Variants in SUCLG2 observed in about 807,000 individuals in gnomAD.
SUCLG2 encodes succinate--CoA ligase [GDP-forming] subunit beta, mitochondrial.
A neutral mutation model predicts 47.9 loss-of-function variants in SUCLG2; 42 were observed. The observed-to-expected ratio is 0.88, with a 90% CI of 0.69 to 1.14. The LOEUF (loss-of-function observed/expected upper bound fraction) is 1.14, where lower values mean the gene tolerates loss of function less well. Ranked by LOEUF, SUCLG2 falls within the 50% of genes most tolerant of loss-of-function variation. The pLI, the probability that SUCLG2 is intolerant of heterozygous loss-of-function variation, is 0.00. For missense variants in SUCLG2, 571 were observed against 525.9 expected (o/e 1.09, Z -0.84); for synonymous variants, 195 against 197.3 (o/e 0.99, Z 0.10).
At chr3:67,543,392 C>T (rs190637881) in intron 2 of SUCLG2, among the ~76,000 whole-genome samples, 2 of 152,244 alleles carry the variant, frequency 1.3e-5, no homozygotes, top group East Asian at 3.9e-4. Flanking sequence ...GCCTGTAAGC[C>T]ACTTTGTGAG....
At chr3:67,525,648 A>C (rs918739484) in intron 4 of SUCLG2, among the ~76,000 whole-genome samples, 2 of 152,196 alleles carry the variant, frequency 1.3e-5, no homozygotes, top group African/African-American at 4.8e-5. Flanking sequence ...ATGGATCACA[A>C]ACCTAAATAT....
intron 1 of SUCLG2, 142 bp downstream of exon 1, chr3:67,654,361 C>T (rs1224499387): frequency 8.3e-6 from 5 of 603,056 alleles, no homozygotes; most frequent in Non-Finnish European, 1.2e-5. Flanking sequence ...CGCCTGGACC[C>T]GGCGCCGCGT....
intron 9 of SUCLG2, among the ~76,000 whole-genome samples, chr3:67,485,124 A>G (rs1330608322): frequency 1.3e-5 from 2 of 152,254 alleles, no homozygotes; most frequent in African/African-American, 4.8e-5. Context: ...GTAGTTTAGC[A>G]TCCCAGCAAC....
At chr3:67,480,345 G>T (rs917312803) in intron 9 of SUCLG2, among the ~76,000 whole-genome samples, 3 of 152,190 alleles carry the variant, frequency 2.0e-5, no homozygotes, top group Non-Finnish European at 2.9e-5. Flanking sequence ...CATCTAGAAG[G>T]CTTGTTAAAA....
intron 2 of SUCLG2, among the ~76,000 whole-genome samples, chr3:67,545,544 C>A (rs1448622368): frequency 6.6e-6 from 1 of 152,166 alleles, no homozygotes; most frequent in Non-Finnish European, 1.5e-5. Context: ...ATGTTAAACA[C>A]AGAGGGGACT....
chr3:67,364,841 C>T (rs1187628333), intron 10 of SUCLG2, among the ~76,000 whole-genome samples: 1 of 152,074 alleles, frequency 6.6e-6, no homozygotes, highest in African/African-American at 2.4e-5. Flanking sequence ...ACGGAGATGA[C>T]AGGAATGGCA....
At chr3:67,647,032 G>A (rs1181637480) in intron 1 of SUCLG2, among the ~76,000 whole-genome samples, 3 of 152,018 alleles carry the variant, frequency 2.0e-5, no homozygotes, top group Non-Finnish European at 4.4e-5. Flanking sequence ...ATTTCTCACC[G>A]TAAACTCTAC....
intron 1 of SUCLG2, among the ~76,000 whole-genome samples, chr3:67,648,969 G>A (rs569552756): frequency 1.3e-5 from 2 of 152,132 alleles, no homozygotes; most frequent in Non-Finnish European, 1.5e-5. Context: ...GTAGGAGAGC[G>A]GGGAAGACGG....
chr3:67,392,842 T>G (rs1702421840), intron 10 of SUCLG2, among the ~76,000 whole-genome samples: 1 of 150,924 alleles, frequency 6.6e-6, no homozygotes, highest in African/African-American at 2.4e-5. Context: ...TGAGATGGGG[T>G]CTTGCTAAGT....
intron 10 of SUCLG2, among the ~76,000 whole-genome samples, chr3:67,365,583 C>T (rs567545097): frequency 2.0e-5 from 3 of 152,230 alleles, no homozygotes; most frequent in African/African-American, 7.2e-5. Context: ...ATGCATTTTC[C>T]ACATGTAAGA....
intron 9 of SUCLG2, among the ~76,000 whole-genome samples, chr3:67,469,844 G>C (rs764245141): frequency 6.6e-6 from 1 of 151,942 alleles, no homozygotes; most frequent in Non-Finnish European, 1.5e-5. Flanking sequence ...TCAGGAGTTC[G>C]AGACCAGCCT....
At chr3:67,395,404 C>A (rs928022393) in intron 10 of SUCLG2, among the ~76,000 whole-genome samples, 1 of 152,164 alleles carries the variant, frequency 6.6e-6, no homozygotes, top group African/African-American at 2.4e-5. Flanking sequence ...TTTAAACCAA[C>A]AAAGACCAAA....
intron 9 of SUCLG2, among the ~76,000 whole-genome samples, chr3:67,475,963 T>A (rs564500240): frequency 6.6e-6 from 1 of 150,926 alleles, no homozygotes; most frequent in South Asian, 2.1e-4. Flanking sequence ...CCACAGAATT[T>A]GAGTATTCCT....
intron 2 of SUCLG2, among the ~76,000 whole-genome samples, chr3:67,575,534 A>G (rs936507426): frequency 6.6e-6 from 1 of 152,218 alleles, no homozygotes; most frequent in African/African-American, 2.4e-5. Context: ...GAGAATGGCA[A>G]TTAACATCAA....
intron 4 of SUCLG2, among the ~76,000 whole-genome samples, chr3:67,523,254 T>C (rs4856873): frequency 0.061 from 9,266 of 152,258 alleles, 425 homozygotes; most frequent in East Asian, 0.22. Flanking sequence ...GGAATGAATA[T>C]AGAACTCCTC....
chr3:67,492,255 C>T (rs899199751), intron 9 of SUCLG2, among the ~76,000 whole-genome samples: 6 of 152,190 alleles, frequency 3.9e-5, no homozygotes, highest in South Asian at 2.1e-4. Flanking sequence ...TGGAGAGATT[C>T]GTGCCAAGTG....
intron 2 of SUCLG2, among the ~76,000 whole-genome samples, chr3:67,561,504 C>T (rs1039441422): frequency 6.6e-6 from 1 of 152,118 alleles, no homozygotes; most frequent in African/African-American, 2.4e-5. Context: ...GCAACAGCAG[C>T]CCCCTACTTG....
intron 9 of SUCLG2, among the ~76,000 whole-genome samples, chr3:67,493,417 T>C (rs572829537): frequency 1.2e-3 from 176 of 152,224 alleles, no homozygotes; most frequent in Non-Finnish European, 2.3e-3. Flanking sequence ...TCAAAAAAAG[T>C]TGAAATAATC....
intron 9 of SUCLG2, among the ~76,000 whole-genome samples, chr3:67,470,355 C>G (rs1463321879): frequency 1.3e-5 from 2 of 152,190 alleles, no homozygotes; most frequent in Non-Finnish European, 2.9e-5. Flanking sequence ...TCGTATACTT[C>G]AGACTGCTGA....
Sources: gnomAD v4.1 joint callset for allele counts (sites outside exome capture counted in the v4.1 genomes callset) on GRCh38, gnomAD v4.1.1 for gene constraint, MANE v1.5 for transcripts, NCBI Gene and HGNC (gene_info 2026-07-23, HGNC 2026-07-21) for gene names.